MYT1L: variants seen among roughly 807,000 people sequenced by gnomAD.
MYT1L encodes the protein myelin transcription factor 1-like protein.
MYT1L carries 12 observed loss-of-function variants against 126.7 expected under a neutral mutation model. The ratio of observed to expected loss-of-function variants is 0.09; its 90% confidence interval spans 0.06 to 0.15. The LOEUF (loss-of-function observed/expected upper bound fraction) is 0.15, where lower values mean the gene tolerates loss of function less well. Among genes scored for constraint, MYT1L ranks in the 10% least tolerant of loss-of-function variants. MYT1L has a pLI of 1.00. For synonymous variants in MYT1L, 541 were observed against 604.2 expected (o/e 0.90, Z 1.53); for missense variants, 979 against 1,585.2 (o/e 0.62, Z 6.49).
At chr2:2,015,375 C>T (rs1322059282) in intron 4 of MYT1L, among the ~76,000 whole-genome samples, 2 of 152,182 alleles carry the variant, frequency 1.3e-5, no homozygotes, top group South Asian at 2.1e-4. Flanking sequence ...ATGGTTGTTG[C>T]CACCGTGCTC....
chr2:1,972,286 G>A (rs1299636341), intron 8 of MYT1L, among the ~76,000 whole-genome samples: 5 of 152,070 alleles, frequency 3.3e-5, no homozygotes, highest in African/African-American at 1.2e-4. Flanking sequence ...TCACATGCAG[G>A]GCCTTACTAA....
At chr2:2,033,881 T>C (rs568948999) in intron 4 of MYT1L, among the ~76,000 whole-genome samples, 1 of 152,320 alleles carries the variant, frequency 6.6e-6, no homozygotes, top group African/African-American at 2.4e-5. Context: ...TGCCACATGC[T>C]TTCCCACATC....
At chr2:1,829,560 C>T (rs1269040247) in intron 21 of MYT1L, among the ~76,000 whole-genome samples, 37 of 95,290 alleles carry the variant, frequency 3.9e-4, no homozygotes, top group East Asian at 2.0e-3. Flanking sequence ...CACCTGTGAA[C>T]TGACCCTCCC....
intron 8 of MYT1L, among the ~76,000 whole-genome samples, chr2:1,947,731 GA>G (rs34321871): frequency 1.3e-5 from 2 of 151,982 alleles, no homozygotes; most frequent in African/African-American, 2.4e-5. Context: ...AGCAAGAGTA[GA>G]AAAAAAATAG....
intron 3 of MYT1L, among the ~76,000 whole-genome samples, chr2:2,069,681 C>T (rs1288501733): frequency 1.3e-5 from 2 of 152,014 alleles, no homozygotes; most frequent in African/African-American, 4.8e-5. Flanking sequence ...AATTTACACT[C>T]CCATCAACAG....
intron 2 of MYT1L, among the ~76,000 whole-genome samples, chr2:2,213,147 C>G (rs1480753121): frequency 6.6e-6 from 1 of 152,136 alleles, no homozygotes; most frequent in Non-Finnish European, 1.5e-5. Flanking sequence ...AGCAAAAATG[C>G]AAACGGACAA....
chr2:1,875,213 C>A (rs547803830), intron 18 of MYT1L, among the ~76,000 whole-genome samples: 1 of 152,036 alleles, frequency 6.6e-6, no homozygotes, highest in African/African-American at 2.4e-5. Context: ...TGAGTGCGAT[C>A]GCTGCGGGGA....
At position 2,284,952 on chromosome 2, in the gene MYT1L, G is replaced by T. The variant is rs912076072; in HGVS notation, c.-520-449C>A. On this transcript the variant is annotated intron_variant, in intron 1 of 24. Coordinates refer to ENST00000647738, the MANE Select transcript of MYT1L (RefSeq NM_001303052.2). ...AGGGTGGTCTTGATCTCCTGACCTC[G>T]GGATCCGCCCACCTTAGCCTCCCAA... Among the ~76,000 whole-genome samples the T allele has an allele frequency of 2.0e-5, 3 of 152,214 alleles. No individual in the cohort carries two copies. The Middle Eastern group carries it at 0.01, about 518-fold the overall frequency.
intron 2 of MYT1L, among the ~76,000 whole-genome samples, chr2:2,266,810 CT>C (rs2095141126): frequency 6.6e-6 from 1 of 152,156 alleles, no homozygotes; most frequent in Non-Finnish European, 1.5e-5. Context: ...GGGCTTTCCC[CT>C]TTTGCTTGCC....
intron 4 of MYT1L, among the ~76,000 whole-genome samples, chr2:2,040,830 C>T (rs2150011379): frequency 6.6e-6 from 1 of 152,174 alleles, no homozygotes; most frequent in East Asian, 1.9e-4. Context: ...ATTATTATAT[C>T]AATTTGAGGT....
At chr2:2,209,474 C>T (rs1471569773) in intron 2 of MYT1L, among the ~76,000 whole-genome samples, 1 of 151,488 alleles carries the variant, frequency 6.6e-6, no homozygotes, top group Non-Finnish European at 1.5e-5. Flanking sequence ...CTTTTAGTTT[C>T]CACAAGTATG....
intron 1 of MYT1L, among the ~76,000 whole-genome samples, chr2:2,291,200 G>A (rs2095594273): frequency 6.6e-6 from 1 of 152,106 alleles, no homozygotes; most frequent in Admixed American, 6.5e-5. Flanking sequence ...AAAAAAATCA[G>A]GAAAAAAGGG....
At chr2:1,973,632 G>T (rs1045656032) in intron 8 of MYT1L, among the ~76,000 whole-genome samples, 1 of 152,220 alleles carries the variant, frequency 6.6e-6, no homozygotes, top group Non-Finnish European at 1.5e-5. Flanking sequence ...TCTTTAGCAG[G>T]TACTTGAGCC....
intron 24 of MYT1L, 141 bp from the exon 25 acceptor site, chr2:1,792,148 TG>T: frequency 8.3e-7 from 1 of 1,211,696 alleles, no homozygotes; most frequent in East Asian, 2.6e-5. Context: ...CTTAAGTTTC[TG>T]GGGTCAGCCC....
intron 1 of MYT1L, among the ~76,000 whole-genome samples, chr2:2,317,271 C>G (rs114845990): frequency 1.3e-5 from 2 of 152,246 alleles, no homozygotes; most frequent in South Asian, 2.1e-4. Context: ...TGCATTTGCA[C>G]GTCTCTGCAA....
At chr2:2,024,101 T>C (rs2065297473) in intron 4 of MYT1L, among the ~76,000 whole-genome samples, 1 of 152,218 alleles carries the variant, frequency 6.6e-6, no homozygotes, top group Non-Finnish European at 1.5e-5. Flanking sequence ...ATTTTTTATC[T>C]TGACTATAAT....
At chr2:2,004,210 T>TGTTCTTTCCTCATGC (rs2062804685) in intron 4 of MYT1L, among the ~76,000 whole-genome samples, 1 of 48,434 alleles carries the variant, frequency 2.1e-5, no homozygotes, top group Non-Finnish European at 4.0e-5. Flanking sequence ...TTCCTGAATG[T>TGTTCTTTCCTCATGC]GTTCTTTCCT....
intron 9 of MYT1L, among the ~76,000 whole-genome samples, chr2:1,938,026 A>T (rs891328937): frequency 3.9e-5 from 6 of 152,218 alleles, no homozygotes; most frequent in Non-Finnish European, 7.3e-5. Context: ...AGAACCTCAT[A>T]TATTCTCCAA....
At chr2:1,803,610 G>T (rs1253701171) in intron 22 of MYT1L, among the ~76,000 whole-genome samples, 1 of 152,190 alleles carries the variant, frequency 6.6e-6, no homozygotes, top group African/African-American at 2.4e-5. Context: ...TTTTGTTCTG[G>T]GAGTGATGGA....
Sources: gnomAD v4.1 joint callset for allele counts (sites outside exome capture counted in the v4.1 genomes callset) on GRCh38, gnomAD v4.1.1 for gene constraint, MANE v1.5 for transcripts, NCBI Gene and HGNC (gene_info 2026-07-23, HGNC 2026-07-21) for gene names.